Variants in HIVEP2 observed in about 807,000 individuals in gnomAD.
The protein encoded by HIVEP2 is HIVEP zinc finger 2.
HIVEP2 carries 14 observed loss-of-function variants against 180.7 expected under a neutral mutation model. The observed-to-expected ratio is 0.08, with a 90% confidence interval of 0.05 to 0.12. The LOEUF (loss-of-function observed/expected upper bound fraction) is 0.12, where lower values mean the gene tolerates loss of function less well. Among genes scored for constraint, HIVEP2 ranks in the 10% least tolerant of loss-of-function variants. HIVEP2 has a pLI of 1.00. For synonymous variants in HIVEP2, 1,184 were observed against 1,136.4 expected (o/e 1.04, Z -0.84); for missense variants, 2,579 against 3,008.5 (o/e 0.86, Z 3.34).
intron 1 of HIVEP2, among the ~76,000 whole-genome samples, chr6:142,944,427 CCACACACACA>C (rs34581763): frequency 6.8e-6 from 1 of 146,844 alleles, no homozygotes; most frequent in Admixed American, 6.7e-5. Flanking sequence ...CCCCACACAC[CCACACACACA>C]CACACACACG....
intron 1 of HIVEP2, among the ~76,000 whole-genome samples, chr6:142,926,678 G>A (rs1486389464): frequency 6.6e-6 from 1 of 152,172 alleles, no homozygotes; most frequent in Non-Finnish European, 1.5e-5. Context: ...GTCCCCGCGA[G>A]CCCAACTGTC....
chr6:142,776,318 G>A (rs900681916), intron 3 of HIVEP2, 127 bp from the exon 4 acceptor site: 3 of 152,244 alleles, frequency 2.0e-5, no homozygotes, highest in East Asian at 3.9e-4. Flanking sequence ...ACCCTAAAAC[G>A]AAAGCAAGAA....
chr6:142,843,373 T>A (rs1169431148), intron 1 of HIVEP2, among the ~76,000 whole-genome samples: 1 of 152,144 alleles, frequency 6.6e-6, no homozygotes, highest in Non-Finnish European at 1.5e-5. Flanking sequence ...AAGTATGTTT[T>A]AAAAAAATAA....
rs5880551 is a variant in HIVEP2, at chr6:142,849,517, ATTTT to A, written c.-640-12474_-640-12471del. Among the ~76,000 whole-genome samples, 173 of 131,792 alleles carry A rather than the reference ATTTT, an allele frequency of 1.3e-3. No homozygotes were observed. In the East Asian group the frequency reaches 0.018, roughly 14 times the overall value. The allele number at this position is 131,792 out of a possible 152,430, so 86.5% of individuals were successfully genotyped here. On this transcript the variant is annotated intron_variant, in intron 1 of 9. Transcript: ENST00000367603. ...AGCTAGAGTGATTCTTTATTTATTT[ATTTT>A]TTTTTTTTTTTGAGACAAGGTCTTG...
chr6:142,883,052 T>C lies in HIVEP2; in HGVS notation c.-640-46005A>G, dbSNP rs185599718. ...AGGGAAATCTGCTTACAGTACAGGA[T>C]CTGCTTGAACAAAAAGACTTCACTT... On this transcript the variant is annotated intron_variant, in intron 1 of 9. Transcript: ENST00000367603. Among the ~76,000 whole-genome samples, 209 of 152,232 alleles carry C rather than the reference T, an allele frequency of 1.4e-3. 2 individuals are homozygous for C. The highest frequency in any genetic ancestry group is 4.9e-3 in the African/African-American group (202 of 41,554).
chr6:142,809,536 G>A (rs985962482), intron 2 of HIVEP2, among the ~76,000 whole-genome samples: 3 of 152,074 alleles, frequency 2.0e-5, no homozygotes, highest in Admixed American at 6.6e-5. Context: ...AGACTTCTTT[G>A]TAAGTACTTC....
intron 2 of HIVEP2, among the ~76,000 whole-genome samples, chr6:142,799,531 T>C (rs1776357006): frequency 1.3e-5 from 2 of 152,138 alleles, no homozygotes; most frequent in African/African-American, 4.8e-5. Context: ...CATATTACTA[T>C]TCATTGTCAC....
At chr6:142,842,277 T>C (rs189142589) in intron 1 of HIVEP2, among the ~76,000 whole-genome samples, 29 of 152,318 alleles carry the variant, frequency 1.9e-4, no homozygotes, top group Non-Finnish European at 3.4e-4. Context: ...AAATAAAATA[T>C]GTTAAACCTA....
intron 2 of HIVEP2, among the ~76,000 whole-genome samples, chr6:142,797,663 T>C (rs1048330240): frequency 2.0e-5 from 3 of 152,150 alleles, no homozygotes; most frequent in African/African-American, 7.2e-5. Context: ...CAATAACATA[T>C]TTTGAGAATG....
chr6:142,875,513 A>C (rs1776412156), intron 1 of HIVEP2, among the ~76,000 whole-genome samples: 1 of 152,204 alleles, frequency 6.6e-6, no homozygotes, highest in South Asian at 2.1e-4. Flanking sequence ...AGGGAAGCCT[A>C]GTAAGAGCTT....
At chr6:142,883,406 T>C (rs1032763825) in intron 1 of HIVEP2, among the ~76,000 whole-genome samples, 4 of 152,082 alleles carry the variant, frequency 2.6e-5, no homozygotes, top group African/African-American at 7.2e-5. Context: ...AGTTCTTATA[T>C]GGAATAAGCA....
At chr6:142,906,992 T>G (rs953797104) in intron 1 of HIVEP2, among the ~76,000 whole-genome samples, 1 of 152,166 alleles carries the variant, frequency 6.6e-6, no homozygotes, top group Non-Finnish European at 1.5e-5. Flanking sequence ...ATCTCCCAAA[T>G]GCATCAACCA....
intron 2 of HIVEP2, among the ~76,000 whole-genome samples, chr6:142,821,188 C>T (rs1274150727): frequency 1.3e-5 from 2 of 151,836 alleles, no homozygotes; most frequent in South Asian, 2.1e-4. Flanking sequence ...GGATTAAAGC[C>T]GAACAGACTT....
chr6:142,869,003 T>C (rs879917009), intron 1 of HIVEP2, among the ~76,000 whole-genome samples: 5 of 152,176 alleles, frequency 3.3e-5, no homozygotes, highest in Non-Finnish European at 7.4e-5. Context: ...AAATCCTAGA[T>C]CAGTGGTTCT....
At position 142,772,469 on chromosome 6, in the gene HIVEP2, C is replaced by T. The variant is rs778150820; in HGVS notation, c.2270G>A (p.Arg757His). ...HENLSHGHTE[R>H]FDPCRPQLQP... ...CAGTTGGGGCCGACATGGGTCAAAG[C>T]GTTCCGTGTGACCATGAGAAAGGTT... The change falls in exon 5 of 10, where the codon CGC becomes CAC. Residue 757 changes from arginine to histidine, a missense_variant. By Grantham distance (29) the Arg-to-His change is conservative. This residue lies in a region of HIVEP2 where 524 missense variants were observed against 563.6 expected (regional missense o/e 0.93). Transcript: ENST00000367603. This position sits in a 1 kb window ranked among gnomAD's most constrained non-coding sequence, Gnocchi z 4.9. 1.4e-5 allele frequency: 22 copies of T among 1,614,034 alleles called. No individual in the cohort carries two copies. The highest frequency in any genetic ancestry group is 4.4e-5 in the South Asian group (4 of 91,092).
At chr6:142,806,620 T>C (rs1267542383) in intron 2 of HIVEP2, among the ~76,000 whole-genome samples, 1 of 152,174 alleles carries the variant, frequency 6.6e-6, no homozygotes, top group East Asian at 1.9e-4. Flanking sequence ...ATATTCAAGG[T>C]ATAATGGCAG....
chr6:142,830,394 AT>A (rs1775047262), intron 2 of HIVEP2, among the ~76,000 whole-genome samples: 1 of 151,900 alleles, frequency 6.6e-6, no homozygotes, highest in South Asian at 2.1e-4. Flanking sequence ...AAAGATAGCT[AT>A]TTTTCCTGTA....
intron 1 of HIVEP2, among the ~76,000 whole-genome samples, chr6:142,903,837 T>C (rs1275923100): frequency 6.6e-6 from 1 of 152,048 alleles, no homozygotes; most frequent in African/African-American, 2.4e-5. Flanking sequence ...TTATTGCTAA[T>C]GATTGCACCA....
At chr6:142,775,510 T>A (rs773935378) in intron 4 of HIVEP2, among the ~76,000 whole-genome samples, 8 of 152,040 alleles carry the variant, frequency 5.3e-5, no homozygotes, top group Non-Finnish European at 1.0e-4. Flanking sequence ...GTATTACATA[T>A]CTCTATATAG....
Sources: gnomAD v4.1 joint callset for allele counts (sites outside exome capture counted in the v4.1 genomes callset) on GRCh38, gnomAD v4.1.1 for gene constraint, gnomAD v4.1.1 regional missense constraint, Gnocchi (gnomAD v3.1) non-coding constraint, MANE v1.5 for transcripts, NCBI Gene and HGNC (gene_info 2026-07-23, HGNC 2026-07-21) for gene names.